SLC26A8: variants seen among roughly 807,000 people sequenced by gnomAD.
SLC26A8 encodes the protein solute carrier family 26 member 8.
A neutral mutation model predicts 105.0 loss-of-function variants in SLC26A8; 70 were observed. The ratio of observed to expected loss-of-function variants is 0.67; its 90% CI spans 0.55 to 0.81. SLC26A8 has a LOEUF of 0.81. Ranked by LOEUF, SLC26A8 falls within the 40% of genes least tolerant of loss-of-function variation. The pLI, the probability that SLC26A8 is intolerant of heterozygous loss-of-function variation, is 0.00. For missense variants in SLC26A8, 998 were observed against 1,181.8 expected (o/e 0.84, Z 2.28); for synonymous variants, 415 against 438.3 (o/e 0.95, Z 0.66).
intron 8 of SLC26A8, among the ~76,000 whole-genome samples, chr6:35,979,025 T>TC: frequency 6.8e-6 from 1 of 148,094 alleles, no homozygotes; most frequent in East Asian, 2.0e-4. Context: ...TTTTTTTTTT[T>TC]TTTTTTTTTA....
chr6:35,979,009 T>A (rs1773162009), intron 8 of SLC26A8, among the ~76,000 whole-genome samples: 1 of 113,310 alleles, frequency 8.8e-6, no homozygotes, highest in African/African-American at 3.5e-5. Flanking sequence ...CCTGGCTAAT[T>A]TTTTTTTTTT....
Position 36,019,568 on chromosome 6 carries a change from C to G in SLC26A8, c.140G>C (p.Gly47Ala), listed in dbSNP as rs1341767526. Residue 47 changes from glycine (G) to alanine (A), a missense_variant, in exon 2 of 20, where the codon GGG becomes GCG. By Grantham distance (60) the Gly-to-Ala change is moderately conservative. Transcript: ENST00000490799. Reference protein sequence around the residue: ...QEHKRKASSSGNMNINITTFR... With the variant: ...QEHKRKASSSANMNINITTFR... ...GGTGGTGATGTTGATGTTCATGTTCCCAGAAGAGGAGGCCTTCCTTTTGTG... is the reference window on the plus strand; with the variant it reads ...GGTGGTGATGTTGATGTTCATGTTCGCAGAAGAGGAGGCCTTCCTTTTGTG... 2.5e-6 allele frequency: 4 copies of G among 1,613,950 alleles called. No individual in the cohort carries two copies. The African/African-American group carries it at 4.0e-5, about 16-fold the overall frequency.
intron 7 of SLC26A8, among the ~76,000 whole-genome samples, chr6:35,985,337 G>A (rs1432832995): frequency 6.6e-6 from 1 of 152,108 alleles, no homozygotes; most frequent in Non-Finnish European, 1.5e-5. Context: ...TGAGACCTGT[G>A]TCAGATACAT....
Position 35,943,721 on chromosome 6 carries a change from T to C in SLC26A8, c.*179A>G. 3.7e-6 allele frequency: 3 copies of C among 813,432 alleles called. No individual in the cohort carries two copies. In the South Asian group the frequency reaches 6.5e-5, roughly 18 times the overall value. 50.4% of individuals were successfully genotyped at this position (813,432 alleles called of 1,614,324 possible). ...AGAGATAATTGTTGGCATTTAGTAA[T>C]GTGATTTGGGAGTATGATCCCAGCG... On this transcript the variant is annotated 3_prime_UTR_variant, in exon 20 of 20. Coordinates refer to ENST00000490799, the MANE Select transcript of SLC26A8 (RefSeq NM_052961.4).
chr6:35,980,805 G>A (rs765342185), intron 8 of SLC26A8, among the ~76,000 whole-genome samples: 6 of 152,096 alleles, frequency 3.9e-5, no homozygotes, highest in Non-Finnish European at 5.9e-5. Context: ...CTGAGTCCAG[G>A]AGTTCGAGAT....
intron 10 of SLC26A8, among the ~76,000 whole-genome samples, chr6:35,972,293 G>A (rs879309620): frequency 3.9e-5 from 6 of 151,936 alleles, no homozygotes; most frequent in Non-Finnish European, 5.9e-5. Flanking sequence ...GCGGGTTGGC[G>A]CACGGTGGCT....
intron 2 of SLC26A8, among the ~76,000 whole-genome samples, chr6:36,014,298 T>C (rs1276020576): frequency 1.3e-5 from 2 of 152,130 alleles, no homozygotes; most frequent in African/African-American, 4.8e-5. Context: ...AAAAATACAA[T>C]GGACACGGAG....
At chr6:35,985,379 C>G (rs1029322236) in intron 7 of SLC26A8, among the ~76,000 whole-genome samples, 1 of 152,042 alleles carries the variant, frequency 6.6e-6, no homozygotes, top group African/African-American at 2.4e-5. Context: ...AGGAACATCA[C>G]TATGATCCTT....
chr6:35,963,386 T>C (rs1208354372), intron 11 of SLC26A8, among the ~76,000 whole-genome samples: 1 of 152,158 alleles, frequency 6.6e-6, no homozygotes, highest in East Asian at 1.9e-4. Context: ...GTGCTGAAAC[T>C]CGTTTTACAA....
chr6:36,002,702 C>T (rs1035552316), intron 3 of SLC26A8, among the ~76,000 whole-genome samples: 18 of 135,006 alleles, frequency 1.3e-4, no homozygotes, highest in African/African-American at 2.7e-5. Flanking sequence ...TTGTGATTTG[C>T]TTTTCAATCT....
At chr6:35,992,427 G>A (rs1164866366) in intron 6 of SLC26A8, 83 bp downstream of exon 6, 2 of 1,403,986 alleles carry the variant, frequency 1.4e-6, no homozygotes, top group Non-Finnish European at 1.9e-6. Flanking sequence ...GAAGGGGCGG[G>A]AGTCTCCCTA....
chr6:35,985,816 T>C (rs1211161023), intron 7 of SLC26A8, among the ~76,000 whole-genome samples: 5 of 151,168 alleles, frequency 3.3e-5, no homozygotes, highest in Non-Finnish European at 7.4e-5. Context: ...GGAGAGGCTG[T>C]CTCTGACTGC....
chr6:36,005,491 A>G (rs1040392335), intron 3 of SLC26A8, among the ~76,000 whole-genome samples: 1 of 152,178 alleles, frequency 6.6e-6, no homozygotes, highest in South Asian at 2.1e-4. Context: ...TTAATAGATC[A>G]GTTATTTTGT....
chr6:35,953,364 G>C (rs1771945780), intron 17 of SLC26A8, among the ~76,000 whole-genome samples: 1 of 150,844 alleles, frequency 6.6e-6, no homozygotes, highest in South Asian at 2.1e-4. Context: ...GAGAAAGTAT[G>C]ATATAAAGTC....
chr6:36,006,467 G>A (rs1317832283), intron 3 of SLC26A8, among the ~76,000 whole-genome samples: 3 of 152,248 alleles, frequency 2.0e-5, no homozygotes, highest in African/African-American at 7.2e-5. Flanking sequence ...CCTACTATGT[G>A]CTAGGTGTTG....
chr6:35,967,112 C>T (rs771750432), intron 11 of SLC26A8, among the ~76,000 whole-genome samples: 6 of 152,164 alleles, frequency 3.9e-5, no homozygotes, highest in Non-Finnish European at 8.8e-5. Context: ...CAGAGGACCG[C>T]TTGCGTGTCA....
At chr6:36,022,139 G>C (rs1490702557) in intron 1 of SLC26A8, among the ~76,000 whole-genome samples, 1 of 151,882 alleles carries the variant, frequency 6.6e-6, no homozygotes, top group African/African-American at 2.4e-5. Flanking sequence ...GCTAATTTTT[G>C]TATTTTTGGT....
chr6:35,976,117 T>G (rs1773010286), intron 9 of SLC26A8, among the ~76,000 whole-genome samples: 1 of 151,726 alleles, frequency 6.6e-6, no homozygotes. Flanking sequence ...TCTCCCTGCC[T>G]TATGTGCTAC....
chr6:35,974,929 TG>T (rs1272609563), intron 10 of SLC26A8, among the ~76,000 whole-genome samples: 1 of 151,896 alleles, frequency 6.6e-6, no homozygotes, highest in African/African-American at 2.4e-5. Context: ...TCTTTTTTTT[TG>T]TATTTCTAGT....
Sources: allele counts gnomAD v4.1 joint callset (sites outside exome capture counted in the v4.1 genomes callset), GRCh38; gene constraint gnomAD v4.1.1; transcripts MANE v1.5; gene names NCBI Gene and HGNC (gene_info 2026-07-23, HGNC 2026-07-21).